OR3A2: variants seen among roughly 807,000 people sequenced by gnomAD.
OR3A2 encodes olfactory receptor 3A2.
For missense variants in OR3A2, 318 were observed against 392.8 expected, an observed-to-expected ratio of 0.81 and a Z score of 1.61; for synonymous variants, 126 against 159.3, an observed-to-expected ratio of 0.79 and a Z score of 1.57.
At chr17:3,303,669 C>T (rs113963929) in intron 3 of OR3A2, among the ~76,000 whole-genome samples, 1,694 of 149,850 alleles carry the variant, frequency 0.011, 34 homozygotes, top group African/African-American at 0.038. Flanking sequence ...CGCTTGAACA[C>T]GGAAGGCAGA....
At chr17:3,338,575 T>A (rs406810) in intron 2 of OR3A2, among the ~76,000 whole-genome samples, 3,041 of 152,282 alleles carry the variant, frequency 0.02, 108 homozygotes, top group African/African-American at 0.067. Flanking sequence ...AAAGATCAGA[T>A]GGTTGTAGAC....
intron 3 of OR3A2, among the ~76,000 whole-genome samples, chr17:3,308,902 T>C (rs527288122): frequency 6.2e-5 from 4 of 64,142 alleles, no homozygotes; most frequent in Non-Finnish European, 1.1e-4. Context: ...GGTGGATCAC[T>C]GAGTATTTTA....
At chr17:3,348,827 G>C (rs2049393413) in intron 2 of OR3A2, among the ~76,000 whole-genome samples, 1 of 152,168 alleles carries the variant, frequency 6.6e-6, no homozygotes, top group African/African-American at 2.4e-5. Context: ...ATTAACAGCA[G>C]ATCTCTCGGC....
chr17:3,285,660 G>A, upstream of OR3A2, among the ~76,000 whole-genome samples: 1 of 151,956 alleles, frequency 6.6e-6, no homozygotes, highest in East Asian at 1.9e-4. Context: ...CAGTGGTGCG[G>A]GCCTGTAGTC....
chr17:3,322,809 G>A (rs1212782410), intron 3 of OR3A2, among the ~76,000 whole-genome samples: 1 of 152,102 alleles, frequency 6.6e-6, no homozygotes, highest in African/African-American at 2.4e-5. Context: ...GTCAATTTTC[G>A]AATAGGTGTG....
At chr17:3,375,230 CT>C (rs557025875) in intron 2 of OR3A2, among the ~76,000 whole-genome samples, 2,021 of 9,344 alleles carry the variant, frequency 0.22, 175 homozygotes, top group East Asian at 0.5. Flanking sequence ...TTTTTTTTTT[CT>C]TTTTTTTTTT....
At chr17:3,348,158 T>C (rs1248054180) in intron 2 of OR3A2, among the ~76,000 whole-genome samples, 3 of 152,182 alleles carry the variant, frequency 2.0e-5, no homozygotes, top group Non-Finnish European at 4.4e-5. Context: ...CGTTGTCAGA[T>C]GAGTAGGTTG....
At position 3,329,183 on chromosome 17, in the gene OR3A2, G is replaced by T. The variant is rs540873207; in HGVS notation, c.-85+6850C>A. Among the ~76,000 whole-genome samples, 775 of 151,932 alleles carry T rather than the reference G, an allele frequency of 5.1e-3. 10 individuals are homozygous for T. The highest frequency in any genetic ancestry group is 0.018 in the African/African-American group (739 of 41,338). ...TGGTCTAAAATTCTCTTTTTTGGTT[G>T]TGACTCTGCCCGGCTTTGGTATCAG... On this transcript the variant is annotated intron_variant, in intron 3 of 4. Coordinates refer to the OR3A2 transcript ENST00000573491.
At chr17:3,307,541 C>G (rs1389381326) in intron 3 of OR3A2, among the ~76,000 whole-genome samples, 1 of 152,176 alleles carries the variant, frequency 6.6e-6, no homozygotes, top group African/African-American at 2.4e-5. Flanking sequence ...TCTGAAGCCA[C>G]CATTAGATGT....
At chr17:3,367,216 T>G (rs934758576) in intron 2 of OR3A2, among the ~76,000 whole-genome samples, 4 of 152,214 alleles carry the variant, frequency 2.6e-5, no homozygotes, top group African/African-American at 7.2e-5. Context: ...GACTCAGTTG[T>G]TTTTATTTCA....
chr17:3,290,718 C>T (rs1338640282), intron 3 of OR3A2, among the ~76,000 whole-genome samples: 1 of 152,174 alleles, frequency 6.6e-6, no homozygotes. Flanking sequence ...TGGGTCAGAG[C>T]CACACTCCCC....
At chr17:3,380,988 G>A (rs1469470245) in intron 2 of OR3A2, among the ~76,000 whole-genome samples, 1 of 152,134 alleles carries the variant, frequency 6.6e-6, no homozygotes, top group African/African-American at 2.4e-5. Context: ...GCATTTGTTT[G>A]GGGGCAGGGC....
intron 2 of OR3A2, among the ~76,000 whole-genome samples, chr17:3,378,488 A>C (rs920813762): frequency 6.6e-6 from 1 of 152,142 alleles, no homozygotes; most frequent in African/African-American, 2.4e-5. Context: ...CTAAGAGTGC[A>C]GGGATGCTTG....
intron 3 of OR3A2, chr17:3,310,553 C>T (rs552665710): frequency 1.3e-5 from 7 of 536,290 alleles, no homozygotes; most frequent in African/African-American, 1.9e-5. Flanking sequence ...GTGTCACTGT[C>T]CCTGCCATGC....
At chr17:3,333,610 C>A (rs914624538) in intron 3 of OR3A2, among the ~76,000 whole-genome samples, 21 of 152,132 alleles carry the variant, frequency 1.4e-4, no homozygotes, top group African/African-American at 5.1e-4. Flanking sequence ...TCTTTGTACT[C>A]TTTCTCTTTA....
chr17:3,294,313 T>A (rs1229912524), intron 3 of OR3A2, among the ~76,000 whole-genome samples: 2 of 151,216 alleles, frequency 1.3e-5, no homozygotes, highest in Non-Finnish European at 2.9e-5. Flanking sequence ...GTTAAAGAAA[T>A]GTAAAATTAC....
rs117897428 is a variant in OR3A2, at chr17:3,334,958, C to A, written c.-85+1075G>T. Among the ~76,000 whole-genome samples the A allele has an allele frequency of 2.5e-3, 375 of 152,236 alleles. 3 individuals are homozygous for A. The East Asian group carries it at 0.028, about 12-fold the overall frequency. On this transcript the variant is annotated intron_variant, in intron 3 of 4. Transcript: ENST00000573491. ...CTTCAACAGGAAGGTGACAGTTTGT[C>A]TCCATTAGAAATCACTGTGTCCATT...
At chr17:3,289,400 TG>T (rs1196171627) in intron 3 of OR3A2, among the ~76,000 whole-genome samples, 3 of 152,230 alleles carry the variant, frequency 2.0e-5, no homozygotes, top group African/African-American at 7.2e-5. Context: ...ATCAGGCCTT[TG>T]GCCATTGTCT....
chr17:3,365,113 T>C (rs542169215), intron 2 of OR3A2, among the ~76,000 whole-genome samples: 1 of 152,304 alleles, frequency 6.6e-6, no homozygotes, highest in Non-Finnish European at 1.5e-5. Flanking sequence ...ATGGTGTCAC[T>C]ACAGTTCACC....
Sources: allele counts gnomAD v4.1 joint callset (sites outside exome capture counted in the v4.1 genomes callset), GRCh38; gene constraint gnomAD v4.1.1; transcripts MANE v1.5; gene names NCBI Gene and HGNC (gene_info 2026-07-23, HGNC 2026-07-21).